UNC5D: variants seen among roughly 807,000 people sequenced by gnomAD.
UNC5D encodes the protein netrin receptor UNC5D.
Under a neutral mutation model 105.4 loss-of-function variants are expected in UNC5D, and 39 were observed. The ratio of observed to expected loss-of-function variants is 0.37; its 90% confidence interval spans 0.29 to 0.48. The LOEUF (loss-of-function observed/expected upper bound fraction) is 0.48, where lower values mean the gene tolerates loss of function less well. Ranked by LOEUF, UNC5D falls within the 20% of genes least tolerant of loss-of-function variation. UNC5D has a pLI of 0.98. For missense variants in UNC5D, 991 were observed against 1,202.4 expected (o/e 0.82, Z 2.60); for synonymous variants, 452 against 450.4 (o/e 1.00, Z -0.04).
chr8:35,497,330 C>T (rs4559236), intron 1 of UNC5D, among the ~76,000 whole-genome samples: 1 of 152,062 alleles, frequency 6.6e-6, no homozygotes, highest in African/African-American at 2.4e-5. Context: ...AAAAGCTTTC[C>T]TAGGTTATTA....
At chr8:35,630,315 A>G (rs1342398820) in intron 4 of UNC5D, among the ~76,000 whole-genome samples, 2 of 152,146 alleles carry the variant, frequency 1.3e-5, no homozygotes, top group African/African-American at 2.4e-5. Flanking sequence ...TTGCTTTTTT[A>G]TGATTAGTGT....
At chr8:35,290,751 C>T (rs1473202385) in intron 1 of UNC5D, among the ~76,000 whole-genome samples, 2 of 151,958 alleles carry the variant, frequency 1.3e-5, no homozygotes, top group Non-Finnish European at 2.9e-5. Flanking sequence ...GAGTTGGATA[C>T]CAGCCTGACC....
chr8:35,423,852 CTTTT>C (rs200270722), intron 1 of UNC5D, among the ~76,000 whole-genome samples: 1 of 135,106 alleles, frequency 7.4e-6, no homozygotes. Context: ...ATAAGGAGTA[CTTTT>C]TTTTTTTTTT....
intron 1 of UNC5D, among the ~76,000 whole-genome samples, chr8:35,467,755 A>C (rs1809415769): frequency 6.6e-6 from 1 of 152,038 alleles, no homozygotes; most frequent in Non-Finnish European, 1.5e-5. Flanking sequence ...AGGGAATAGA[A>C]CTCATTCAAG....
intron 11 of UNC5D, among the ~76,000 whole-genome samples, chr8:35,738,120 G>GA (rs1421667742): frequency 3.3e-5 from 5 of 151,518 alleles, no homozygotes; most frequent in African/African-American, 1.2e-4. Context: ...GAAAAGAAAA[G>GA]AAAGAAAATT....
Position 35,724,124 on chromosome 8 carries a change from G to T in UNC5D, c.1303+1729G>T. On this transcript the variant is annotated intron_variant, in intron 9 of 16. Coordinates refer to ENST00000404895, the MANE Select transcript of UNC5D (RefSeq NM_080872.4). ...AGCAGGTGAGAAGGGTGGATCCCTG[G>T]CCTACACCTGTCTGGGGAGTGCTGA... 3 of 1,419,222 alleles carry T rather than the reference G, an allele frequency of 2.1e-6. No homozygotes were observed. The South Asian group carries it at 4.6e-5, about 22-fold the overall frequency. 87.9% of individuals were successfully genotyped at this position (1,419,222 alleles called of 1,614,324 possible).
chr8:35,631,188 C>T (rs1255333445), intron 4 of UNC5D, among the ~76,000 whole-genome samples: 1 of 152,082 alleles, frequency 6.6e-6, no homozygotes, highest in Admixed American at 6.5e-5. Flanking sequence ...TGGTGTGTGC[C>T]TTGCAGTCCC....
intron 1 of UNC5D, among the ~76,000 whole-genome samples, chr8:35,297,240 A>T (rs1807562749): frequency 1.3e-5 from 2 of 152,264 alleles, no homozygotes; most frequent in Admixed American, 1.3e-4. Flanking sequence ...TTAGCAAAAA[A>T]TCCTCATAGC....
chr8:35,648,448 GT>G (rs1823191852), intron 4 of UNC5D, among the ~76,000 whole-genome samples: 1 of 152,106 alleles, frequency 6.6e-6, no homozygotes, highest in Admixed American at 6.5e-5. Context: ...GGAGGCCAAG[GT>G]GGGCAGATCA....
intron 1 of UNC5D, among the ~76,000 whole-genome samples, chr8:35,547,348 G>A (rs1015278867): frequency 2.4e-4 from 35 of 148,000 alleles, no homozygotes; most frequent in Admixed American, 1.1e-3. Context: ...CTGGAGGCTG[G>A]AGTGCAGTAG....
chr8:35,473,982 C>T (rs764876023), intron 1 of UNC5D, among the ~76,000 whole-genome samples: 1 of 152,122 alleles, frequency 6.6e-6, no homozygotes, highest in Non-Finnish European at 1.5e-5. Flanking sequence ...TCATAAGGAA[C>T]CCACTCCTGG....
At chr8:35,380,740 A>G (rs1480295416) in intron 1 of UNC5D, among the ~76,000 whole-genome samples, 1 of 152,202 alleles carries the variant, frequency 6.6e-6, no homozygotes, top group African/African-American at 2.4e-5. Context: ...TAGGAATAAC[A>G]TGCATTGACA....
chr8:35,712,129 G>A (rs1293101462), intron 8 of UNC5D, among the ~76,000 whole-genome samples: 5 of 152,132 alleles, frequency 3.3e-5, no homozygotes, highest in Non-Finnish European at 7.3e-5. Flanking sequence ...AAATTAGCCA[G>A]GTGTGGTGGC....
intron 4 of UNC5D, among the ~76,000 whole-genome samples, chr8:35,660,579 A>C (rs1824045122): frequency 6.6e-6 from 1 of 152,326 alleles, no homozygotes; most frequent in African/African-American, 2.4e-5. Context: ...TTCATCACTC[A>C]GATTCCACTG....
intron 1 of UNC5D, among the ~76,000 whole-genome samples, chr8:35,252,538 G>T (rs1803778481): frequency 6.6e-6 from 1 of 151,920 alleles, no homozygotes; most frequent in Non-Finnish European, 1.5e-5. Context: ...TCAGCAGTTT[G>T]TTTTTTTACC....
rs181605025 is a variant in UNC5D, at chr8:35,472,865, T to C, written c.104-76427T>C. 4.2e-3 allele frequency among the ~76,000 whole-genome samples: 636 copies of C among 152,250 alleles called. 8 individuals carry two copies. Among genetic ancestry groups the C allele is most frequent in the African/African-American group, 0.014 (592 of 41,554 alleles). The stretch of plus-strand genomic sequence containing the variant: ...GTAGAGAGTGGGAAAGAATGATAGA[T>C]GGAAAATAAAGATCCCGGGATGAAA... On this transcript the variant is annotated intron_variant, in intron 1 of 16. Coordinates refer to ENST00000404895, the MANE Select transcript of UNC5D (RefSeq NM_080872.4).
chr8:35,639,471 A>G (rs1316444118), intron 4 of UNC5D, among the ~76,000 whole-genome samples: 4 of 152,200 alleles, frequency 2.6e-5, no homozygotes, highest in African/African-American at 9.7e-5. Context: ...AAATAGTCAT[A>G]ATATGGTGAA....
chr8:35,302,822 G>A (rs1209109828), intron 1 of UNC5D, among the ~76,000 whole-genome samples: 1 of 152,042 alleles, frequency 6.6e-6, no homozygotes, highest in Non-Finnish European at 1.5e-5. Context: ...TAATAAAAGT[G>A]ACCACTAATA....
chr8:35,314,230 A>T (rs1809111400), intron 1 of UNC5D, among the ~76,000 whole-genome samples: 1 of 152,124 alleles, frequency 6.6e-6, no homozygotes. Flanking sequence ...GGTATAAGAG[A>T]TGCTTTATCT....
Sources: allele counts gnomAD v4.1 joint callset (sites outside exome capture counted in the v4.1 genomes callset), GRCh38; gene constraint gnomAD v4.1.1; transcripts MANE v1.5; gene names NCBI Gene and HGNC (gene_info 2026-07-23, HGNC 2026-07-21).